The following ELAPOR2 variants were observed in gnomAD, a reference collection of about 807,000 sequenced individuals.
ELAPOR2 encodes the protein endosome-lysosome associated apoptosis and autophagy regulator family member 2, also known as endosome/lysosome-associated apoptosis and autophagy regulator family member 2.
In ELAPOR2, 89 loss-of-function variants were observed where a neutral mutation model predicts 120.7. The observed-to-expected ratio is 0.74, with a 90% CI of 0.62 to 0.88. ELAPOR2 has a LOEUF of 0.88. Among genes scored for constraint, ELAPOR2 ranks in the 40% least tolerant of loss-of-function variants. The pLI, the probability that ELAPOR2 is intolerant of heterozygous loss-of-function variation, is 0.00. For missense variants in ELAPOR2, 1,134 were observed against 1,251.6 expected (o/e 0.91, Z 1.42); for synonymous variants, 444 against 444.9 (o/e 1.00, Z 0.03).
chr7:86,978,443 AT>A (rs1348072337), intron 1 of ELAPOR2, among the ~76,000 whole-genome samples: 1 of 152,256 alleles, frequency 6.6e-6, no homozygotes, highest in East Asian at 1.9e-4. Flanking sequence ...TTAAGAAAAA[AT>A]ATAAGACACA....
At chr7:87,038,382 T>A (rs572976500) in intron 1 of ELAPOR2, among the ~76,000 whole-genome samples, 1 of 152,300 alleles carries the variant, frequency 6.6e-6, no homozygotes, top group African/African-American at 2.4e-5. Context: ...AGAAAAAGTC[T>A]AGGGAAATAT....
intron 1 of ELAPOR2, among the ~76,000 whole-genome samples, chr7:87,014,653 G>A (rs1793812564): frequency 6.6e-6 from 1 of 152,106 alleles, no homozygotes; most frequent in Admixed American, 6.6e-5. Context: ...GCAAATATGA[G>A]TGCATATTTT....
chr7:86,936,032 C>G (rs1584369755), intron 8 of ELAPOR2, among the ~76,000 whole-genome samples: 2 of 152,040 alleles, frequency 1.3e-5, no homozygotes, highest in East Asian at 3.9e-4. Context: ...AATCTATATG[C>G]CTCAATAGCT....
chr7:86,929,138 A>T (rs1790212595), intron 8 of ELAPOR2, among the ~76,000 whole-genome samples: 1 of 151,980 alleles, frequency 6.6e-6, no homozygotes, highest in Non-Finnish European at 1.5e-5. Flanking sequence ...AGCATGAAAA[A>T]AAAACCACAT....
At chr7:87,042,354 C>G (rs966059669) in intron 1 of ELAPOR2, among the ~76,000 whole-genome samples, 2 of 149,768 alleles carry the variant, frequency 1.3e-5, no homozygotes, top group Admixed American at 6.6e-5. Flanking sequence ...TGACCACATA[C>G]TTGGAAGTAA....
At chr7:86,929,097 CAA>C (rs1006256490) in intron 8 of ELAPOR2, among the ~76,000 whole-genome samples, 7 of 151,566 alleles carry the variant, frequency 4.6e-5, no homozygotes, top group African/African-American at 1.7e-4. Context: ...ATTAAGATTA[CAA>C]AAGAGATCCA....
At chr7:86,964,074 G>C (rs1999945) in intron 2 of ELAPOR2, among the ~76,000 whole-genome samples, 12,279 of 152,184 alleles carry the variant, frequency 0.081, 593 homozygotes, top group African/African-American at 0.12. Flanking sequence ...TAGTTATCCA[G>C]TTAAGAATTT....
At chr7:87,027,409 T>A (rs981059479) in intron 1 of ELAPOR2, among the ~76,000 whole-genome samples, 2 of 152,130 alleles carry the variant, frequency 1.3e-5, no homozygotes, top group African/African-American at 4.8e-5. Context: ...GCAGAAAAAT[T>A]TTAAGTGTCA....
intron 1 of ELAPOR2, among the ~76,000 whole-genome samples, chr7:86,968,575 A>C (rs1791997911): frequency 6.6e-6 from 1 of 152,242 alleles, no homozygotes; most frequent in African/African-American, 2.4e-5. Flanking sequence ...CCTACAACTC[A>C]GCATTCTAAA....
At chr7:87,043,195 G>A (rs1214026535) in intron 1 of ELAPOR2, among the ~76,000 whole-genome samples, 2 of 151,562 alleles carry the variant, frequency 1.3e-5, no homozygotes, top group African/African-American at 4.9e-5. Flanking sequence ...AGGAGGAACT[G>A]GTACCATTCC....
At chr7:87,003,388 G>A (rs1200507411) in intron 1 of ELAPOR2, among the ~76,000 whole-genome samples, 3 of 152,086 alleles carry the variant, frequency 2.0e-5, no homozygotes, top group South Asian at 2.1e-4. Flanking sequence ...TGTTGGGGGA[G>A]GGTACTGGTA....
intron 1 of ELAPOR2, among the ~76,000 whole-genome samples, chr7:87,000,631 T>C (rs1411756490): frequency 2.0e-5 from 3 of 152,146 alleles, no homozygotes; most frequent in Non-Finnish European, 4.4e-5. Flanking sequence ...GAATATACAA[T>C]ATAAGACAAA....
At chr7:87,018,242 T>C (rs1157835729) in intron 1 of ELAPOR2, among the ~76,000 whole-genome samples, 5 of 151,898 alleles carry the variant, frequency 3.3e-5, no homozygotes, top group Admixed American at 1.3e-4. Context: ...GATTTCACCA[T>C]CTTGGCCAGG....
chr7:87,056,426 T>C (rs1044770116), intron 1 of ELAPOR2, among the ~76,000 whole-genome samples: 2 of 152,228 alleles, frequency 1.3e-5, no homozygotes, highest in African/African-American at 4.8e-5. Context: ...GCCTCATTTA[T>C]TTCCTTTGAA....
chr7:86,960,273 C>T (rs149894121), intron 2 of ELAPOR2, among the ~76,000 whole-genome samples: 19 of 152,236 alleles, frequency 1.2e-4, no homozygotes, highest in African/African-American at 3.6e-4. Context: ...GTTTTTGAGA[C>T]GGAGTCTCAC....
chr7:86,942,736 G>A (rs1267066716), intron 4 of ELAPOR2, among the ~76,000 whole-genome samples: 1 of 151,982 alleles, frequency 6.6e-6, no homozygotes, highest in African/African-American at 2.4e-5. Context: ...CTTCCAAAAT[G>A]TCAAGGGGTT....
At chr7:87,021,110 G>T (rs1794025265) in intron 1 of ELAPOR2, among the ~76,000 whole-genome samples, 1 of 152,048 alleles carries the variant, frequency 6.6e-6, no homozygotes, top group African/African-American at 2.4e-5. Flanking sequence ...ACTAGCTAAG[G>T]ATTACACAGC....
At chr7:87,052,248 G>C (rs1216631926) in intron 1 of ELAPOR2, among the ~76,000 whole-genome samples, 20 of 152,202 alleles carry the variant, frequency 1.3e-4, no homozygotes, top group Admixed American at 1.3e-3. Context: ...TCAGTGGCTA[G>C]GGAGGCCTCA....
At chr7:86,891,921 G>A in intron 20 of ELAPOR2, 32 bp from the exon 21 acceptor site, 2 of 1,336,578 alleles carry the variant, frequency 1.5e-6, no homozygotes, top group Non-Finnish European at 2.1e-6. Context: ...AAACAAATAA[G>A]TATCCATTTA....
Sources: allele counts gnomAD v4.1 joint callset (sites outside exome capture counted in the v4.1 genomes callset), GRCh38; gene constraint gnomAD v4.1.1; transcripts MANE v1.5; gene names NCBI Gene and HGNC (gene_info 2026-07-23, HGNC 2026-07-21).